Variants in TMEM268 observed in about 807,000 individuals in gnomAD.
TMEM268 encodes transmembrane protein 268.
In TMEM268, 24 loss-of-function variants were observed where a neutral mutation model predicts 39.1. That is an observed-to-expected ratio of 0.61 (90% CI 0.44 to 0.86). TMEM268 has a LOEUF of 0.86. Among genes scored for constraint, TMEM268 ranks in the 40% least tolerant of loss-of-function variants. The probability of loss-of-function intolerance (pLI) is 0.00; values close to 1 mark genes in which losing one functional copy is unlikely to be tolerated. For synonymous variants in TMEM268, 176 were observed against 173.5 expected, an observed-to-expected ratio of 1.01 and a Z score of -0.12; for missense variants, 409 against 428.6, an observed-to-expected ratio of 0.95 and a Z score of 0.40.
At chr9:114,634,421 T>A (rs975733402) in intron 6 of TMEM268, among the ~76,000 whole-genome samples, 2 of 152,158 alleles carry the variant, frequency 1.3e-5, no homozygotes, top group Non-Finnish European at 2.9e-5. Flanking sequence ...GAGAGGCAGG[T>A]CAGATGCTGA....
chr9:114,626,563 A>G (rs987453500), intron 3 of TMEM268, among the ~76,000 whole-genome samples: 1 of 152,210 alleles, frequency 6.6e-6, no homozygotes, highest in Non-Finnish European at 1.5e-5. Context: ...GAGTGGGGTT[A>G]CTTGCTCCAG....
At chr9:114,603,965 G>A in the TMEM268 span, among the ~76,000 whole-genome samples, 3 of 151,786 alleles carry the variant, frequency 2.0e-5, no homozygotes, top group Non-Finnish European at 4.4e-5. Context: ...AGCTTTCTAT[G>A]TGCCAGCTAG....
At chr9:114,604,997 C>T in the TMEM268 span, among the ~76,000 whole-genome samples, 1 of 152,184 alleles carries the variant, frequency 6.6e-6, no homozygotes, top group Non-Finnish European at 1.5e-5. Flanking sequence ...TCTCCCAGGA[C>T]ATTAGTGGAC....
upstream of TMEM268, among the ~76,000 whole-genome samples, chr9:114,610,878 C>T (rs1845460449): frequency 1.3e-5 from 2 of 152,174 alleles, no homozygotes; most frequent in Non-Finnish European, 2.9e-5. Flanking sequence ...CCTAGTCTGA[C>T]CCCAAACCAA....
chr9:114,624,960 G>A (rs576206783), intron 3 of TMEM268, among the ~76,000 whole-genome samples: 2 of 152,328 alleles, frequency 1.3e-5, no homozygotes, highest in South Asian at 2.1e-4. Context: ...GGCATTTTAG[G>A]AGAGGGGACT....
At chr9:114,634,326 T>C (rs188507703) in intron 6 of TMEM268, among the ~76,000 whole-genome samples, 1 of 152,110 alleles carries the variant, frequency 6.6e-6, no homozygotes, top group Non-Finnish European at 1.5e-5. Context: ...AGAGGCAAGG[T>C]ACACAGGGTC....
intron 5 of TMEM268, among the ~76,000 whole-genome samples, chr9:114,631,086 G>A (rs1405930038): frequency 2.0e-5 from 3 of 152,076 alleles, no homozygotes; most frequent in African/African-American, 7.2e-5. Flanking sequence ...GGCTCAGGTG[G>A]GAGGATCACT....
At chr9:114,607,804 C>T (rs926235023), upstream of TMEM268, among the ~76,000 whole-genome samples, 3 of 151,998 alleles carry the variant, frequency 2.0e-5, no homozygotes, top group Non-Finnish European at 4.4e-5. Context: ...TGAGTTGGTT[C>T]GTCAGGTAGA....
rs1397814335 is a variant in TMEM268 at position 114,633,876 on chromosome 9, C to T, written c.583C>T (p.Gln195Ter). 1 of 1,576,448 alleles carries T rather than the reference C, an allele frequency of 6.3e-7. No individual in the cohort carries two copies. Among genetic ancestry groups the T allele is most frequent in the Non-Finnish European group, 8.6e-7 (1 of 1,157,512 alleles). Reference sequence around the variant, plus strand: ...AGTGGAAGGATGCCAGAGTGTGATTCAGGTGCTGTGTCTCATAGTTACCTC... The same window carrying T: ...AGTGGAAGGATGCCAGAGTGTGATTTAGGTGCTGTGTCTCATAGTTACCTC... ...DTVEGCQSVI[Q>*]LWFVYFDLEN... is the part of the protein sequence containing the mutation. Residue 195 changes from glutamine (Q) to a stop codon, truncating the protein, a stop_gained and splice_region_variant, in exon 6 of 9, where the codon CAG (glutamine) becomes TAG (stop). Transcript: ENST00000288502. LOFTEE classifies it high-confidence loss of function.
chr9:114,609,738 G>GAAAAA (rs1564279426), upstream of TMEM268, among the ~76,000 whole-genome samples: 180 of 79,354 alleles, frequency 2.3e-3, 1 homozygote, highest in African/African-American at 8.2e-3. Context: ...AAAGAAGGAA[G>GAAAAA]GAAGGAAAGA....
intron 2 of TMEM268, among the ~76,000 whole-genome samples, chr9:114,618,779 C>G (rs1845833217): frequency 6.6e-6 from 1 of 152,176 alleles, no homozygotes; most frequent in Non-Finnish European, 1.5e-5. Context: ...TGATATATTC[C>G]TGTTTCTCCC....
At chr9:114,622,845 C>A (rs935762526) in intron 2 of TMEM268, among the ~76,000 whole-genome samples, 12 of 152,012 alleles carry the variant, frequency 7.9e-5, no homozygotes, top group Admixed American at 7.2e-4. Context: ...AATCCCAGTA[C>A]TTTGGGAGGC....
rs1424641406 is a variant in TMEM268, at chr9:114,624,403, C to CCCATCT, written c.163_168dup (p.Ile55_Ser56dup). ...TCTCCGGATTGACAATACCTGTGCA[C>CCCATCT]CCATCTCCTTCGACCTGGGAGCCGC... On this transcript the variant is annotated inframe_insertion, in exon 3 of 9. Coordinates refer to ENST00000288502, the MANE Select transcript of TMEM268 (RefSeq NM_153045.4). 1 of 1,602,940 alleles carries CCCATCT rather than the reference C, an allele frequency of 6.2e-7. No homozygotes were observed. The highest frequency in any genetic ancestry group is 1.7e-5 in the Admixed American group (1 of 58,736).
chr9:114,631,135 G>A (rs1200508058), intron 5 of TMEM268, among the ~76,000 whole-genome samples: 2 of 152,050 alleles, frequency 1.3e-5, no homozygotes, highest in Non-Finnish European at 2.9e-5. Flanking sequence ...GCAACATTGT[G>A]AGACTCTGTC....
intron 6 of TMEM268, among the ~76,000 whole-genome samples, chr9:114,634,481 G>A (rs1846543612): frequency 6.6e-6 from 1 of 152,090 alleles, no homozygotes; most frequent in Non-Finnish European, 1.5e-5. Flanking sequence ...AAGGTTGGGG[G>A]GAGATCTGAA....
At chr9:114,620,289 G>A (rs1845897352) in intron 2 of TMEM268, among the ~76,000 whole-genome samples, 1 of 152,136 alleles carries the variant, frequency 6.6e-6, no homozygotes, top group South Asian at 2.1e-4. Flanking sequence ...CTGTTGCCCA[G>A]GCTGGAATAC....
chr9:114,615,777 C>A (rs1213228330), intron 1 of TMEM268, among the ~76,000 whole-genome samples: 1 of 152,024 alleles, frequency 6.6e-6, no homozygotes, highest in Non-Finnish European at 1.5e-5. Context: ...GCAACCTCCG[C>A]CTCCCAGGTT....
At chr9:114,609,996 A>G (rs529665143), upstream of TMEM268, among the ~76,000 whole-genome samples, 5 of 152,238 alleles carry the variant, frequency 3.3e-5, no homozygotes, top group South Asian at 8.3e-4. Context: ...AAGAAAACAA[A>G]GACCCTTTCT....
At chr9:114,627,092 G>A (rs1054242982) in intron 4 of TMEM268, 86 bp downstream of exon 4, 2 of 998,308 alleles carry the variant, frequency 2.0e-6, no homozygotes, top group Admixed American at 3.6e-5. Context: ...GAGCCTGTTG[G>A]TGTGGGTCAG....
Sources: allele counts gnomAD v4.1 joint callset (sites outside exome capture counted in the v4.1 genomes callset), GRCh38; gene constraint gnomAD v4.1.1; transcripts MANE v1.5; gene names NCBI Gene and HGNC (gene_info 2026-07-23, HGNC 2026-07-21).